The following ARSF variants were observed in gnomAD, a reference collection of about 807,000 sequenced individuals.
ARSF encodes the protein arylsulfatase F.
ARSF carries 33 observed loss-of-function variants against 35.4 expected under a neutral mutation model. That is an observed-to-expected ratio of 0.93 (90% CI 0.71 to 1.25). The LOEUF is 1.25. Among genes scored for constraint, ARSF ranks in the 50% most tolerant of loss-of-function variants. The probability of loss-of-function intolerance (pLI) is 0.00; values close to 1 mark genes in which losing one functional copy is unlikely to be tolerated. For missense variants in ARSF, 501 were observed against 480.2 expected (o/e 1.04, Z -0.40); for synonymous variants, 222 against 193.1 (o/e 1.15, Z -1.24).
In ARSF at chrX:3,060,396, T is replaced by G. The variant is rs146392832; in HGVS notation, c.-28-7677T>G. ...AAGCTGAAAATTCTAAAAACCAGAG[T>G]GCCTCTTCTCCTCCAAAGGGTTGCA... is the stretch of plus-strand genomic sequence containing the variant. On this transcript the variant is annotated intron_variant, in intron 1 of 10. Coordinates refer to ENST00000381127, the MANE Select transcript of ARSF (RefSeq NM_001201539.2). 9.5e-3 allele frequency among the ~76,000 whole-genome samples: 1,055 copies of G among 111,441 alleles called. 16 individuals are homozygous for G. Among genetic ancestry groups the G allele is most frequent in the African/African-American group, 0.033 (1,000 of 30,673 alleles).
intron 10 of ARSF, 38 bp downstream of exon 10, chrX:3,110,290 G>A (rs748302561): frequency 8.5e-5 from 95 of 1,112,143 alleles, no homozygotes; most frequent in Non-Finnish European, 5.1e-5. Flanking sequence ...TCCCTGCCAG[G>A]AGCAGGGTCA....
At chrX:3,093,778 G>C (rs1483016459) in intron 7 of ARSF, among the ~76,000 whole-genome samples, 1 of 111,434 alleles carries the variant, frequency 9.0e-6, no homozygotes, top group Middle Eastern at 4.2e-3. Context: ...TGGGTCAGAG[G>C]GTAGTTCTGT....
At chrX:3,081,154 A>G in intron 5 of ARSF, 141 bp downstream of exon 5, 1 of 875,695 alleles carries the variant, frequency 1.1e-6, no homozygotes. Flanking sequence ...CTACAATCCC[A>G]GTACTTTGGG....
At chrX:3,056,497 A>G (rs751409192) in intron 1 of ARSF, among the ~76,000 whole-genome samples, 2 of 110,531 alleles carry the variant, frequency 1.8e-5, no homozygotes, top group East Asian at 5.7e-4. Flanking sequence ...GCTGGTCTCG[A>G]ACTCCTGGGC....
At chrX:3,072,800 A>C (rs1399884334) in intron 3 of ARSF, among the ~76,000 whole-genome samples, 1 of 106,171 alleles carries the variant, frequency 9.4e-6, no homozygotes, top group Non-Finnish European at 1.9e-5. Context: ...ATATATTCAT[A>C]TATGAATATA....
intron 7 of ARSF, among the ~76,000 whole-genome samples, chrX:3,098,700 C>T (rs1203666896): frequency 9.0e-6 from 1 of 111,236 alleles, no homozygotes; most frequent in African/African-American, 3.3e-5. Flanking sequence ...TTATAAGTTA[C>T]CCCGTCTCAG....
intron 5 of ARSF, among the ~76,000 whole-genome samples, chrX:3,083,005 T>C (rs2090213672): frequency 9.1e-6 from 1 of 109,813 alleles, no homozygotes; most frequent in Non-Finnish European, 1.9e-5. Flanking sequence ...AACTACTCAC[T>C]CTATCTCTAT....
chrX:3,048,177 C>A (rs2089982867), intron 1 of ARSF, among the ~76,000 whole-genome samples: 1 of 111,799 alleles, frequency 8.9e-6, no homozygotes, highest in Non-Finnish European at 1.9e-5. Flanking sequence ...CAAACTATAT[C>A]ACCGAGGTCA....
chrX:3,111,556 A>G (rs1406410048), intron 10 of ARSF, among the ~76,000 whole-genome samples: 1 of 111,051 alleles, frequency 9.0e-6, no homozygotes, highest in Non-Finnish European at 1.9e-5. Context: ...GTTATTCTAC[A>G]GTGTTTAGAA....
At position 3,102,910 on chromosome X, in the gene ARSF, CA is replaced by C. The variant is rs1331551060; in HGVS notation, c.1103-839del. Among the ~76,000 whole-genome samples, 275 of 96,593 alleles carry C rather than the reference CA, an allele frequency of 2.8e-3. 3 individuals are homozygous for C. The highest frequency in any genetic ancestry group is 8.1e-3 in the African/African-American group (215 of 26,485). 83.9% of individuals were successfully genotyped at this position (96,593 alleles called of 115,157 possible). On this transcript the variant is annotated intron_variant, in intron 8 of 10. Transcript: ENST00000381127. ...CTGGCAACAGAGCGAGACTCCATCTCAAAAAAAAAAAAATTAACTTTTCAGC... is the reference window on the plus strand; with the variant it reads ...CTGGCAACAGAGCGAGACTCCATCTCAAAAAAAAAAAATTAACTTTTCAGC...
chrX:3,076,437 A>T (rs1273992784), intron 3 of ARSF, 111 bp from the exon 4 acceptor site: 1 of 883,067 alleles, frequency 1.1e-6, no homozygotes, highest in Non-Finnish European at 1.5e-6. Context: ...CTCTCTTTCC[A>T]CCTGTGCCTT....
At chrX:3,046,657 TAA>T (rs1376388963) in intron 1 of ARSF, among the ~76,000 whole-genome samples, 1 of 111,436 alleles carries the variant, frequency 9.0e-6, no homozygotes, top group East Asian at 2.8e-4. Context: ...AAAATGAAAG[TAA>T]AAGAGTGCTG....
chrX:3,105,985 G>A, intron 9 of ARSF, among the ~76,000 whole-genome samples: 1 of 111,930 alleles, frequency 8.9e-6, no homozygotes, highest in African/African-American at 3.2e-5. Context: ...CCAAGTTCCA[G>A]CCGTTGTCCT....
At chrX:3,061,909 C>T (rs2090043524) in intron 1 of ARSF, among the ~76,000 whole-genome samples, 1 of 111,488 alleles carries the variant, frequency 9.0e-6, no homozygotes, top group African/African-American at 3.3e-5. Flanking sequence ...AGAAGGTTAA[C>T]AAGGATATCC....
At chrX:3,093,638 T>A (rs2090317734) in intron 7 of ARSF, among the ~76,000 whole-genome samples, 1 of 112,218 alleles carries the variant, frequency 8.9e-6, no homozygotes, top group East Asian at 2.8e-4. Context: ...CTGTACCACA[T>A]TTTCTTTATC....
At chrX:3,057,185 A>G (rs2090021902) in intron 1 of ARSF, among the ~76,000 whole-genome samples, 1 of 112,135 alleles carries the variant, frequency 8.9e-6, no homozygotes, top group South Asian at 3.7e-4. Context: ...GAATATTGTT[A>G]AGCAAAATTT....
intron 1 of ARSF, among the ~76,000 whole-genome samples, chrX:3,054,775 C>T (rs992696855): frequency 1.1e-4 from 12 of 107,534 alleles, no homozygotes; most frequent in African/African-American, 4.1e-4. Flanking sequence ...CTGTTGTTGC[C>T]CAGGCTGGAG....
intron 7 of ARSF, among the ~76,000 whole-genome samples, chrX:3,094,381 C>A (rs1403639575): frequency 9.0e-6 from 1 of 111,632 alleles, no homozygotes; most frequent in African/African-American, 3.2e-5. Context: ...TCCTACAGAC[C>A]GTCATTTCAC....
At chrX:3,112,000 C>T (rs1484379196) in intron 10 of ARSF, among the ~76,000 whole-genome samples, 174 bp from the exon 11 acceptor site, 10 of 111,229 alleles carry the variant, frequency 9.0e-5, no homozygotes, top group East Asian at 2.8e-4. Context: ...GATAAAGCTT[C>T]GCTCTCTCCC....
Sources: gnomAD v4.1 joint callset for allele counts (sites outside exome capture counted in the v4.1 genomes callset) on GRCh38, gnomAD v4.1.1 for gene constraint, MANE v1.5 for transcripts, NCBI Gene and HGNC (gene_info 2026-07-23, HGNC 2026-07-21) for gene names.